Variants in ATP10A observed in about 807,000 individuals in gnomAD.
ATP10A encodes the protein phospholipid-transporting ATPase VA.
In ATP10A, 111 loss-of-function variants were observed where a neutral mutation model predicts 147.8. The observed-to-expected ratio is 0.75, with a 90% CI of 0.64 to 0.88. The LOEUF is 0.88. Ranked by LOEUF, ATP10A falls within the 40% of genes least tolerant of loss-of-function variation. The pLI, the probability that ATP10A is intolerant of heterozygous loss-of-function variation, is 0.00. For synonymous variants in ATP10A, 875 were observed against 841.6 expected, an observed-to-expected ratio of 1.04 and a Z score of -0.69; for missense variants, 1,927 against 1,959.0, an observed-to-expected ratio of 0.98 and a Z score of 0.31.
chr15:25,853,610 G>A (rs1466899863), intron 1 of ATP10A, among the ~76,000 whole-genome samples: 5 of 152,036 alleles, frequency 3.3e-5, no homozygotes, highest in East Asian at 1.9e-4. Context: ...CCAACACGTC[G>A]GGAAGGAAGT....
intron 2 of ATP10A, among the ~76,000 whole-genome samples, chr15:25,773,585 G>T (rs1889449905): frequency 6.6e-6 from 1 of 152,094 alleles, no homozygotes; most frequent in African/African-American, 2.4e-5. Flanking sequence ...TTCCCCTAGG[G>T]AGCACTCTCT....
intron 7 of ATP10A, among the ~76,000 whole-genome samples, chr15:25,719,753 C>T (rs561676653): frequency 2.0e-5 from 3 of 152,274 alleles, no homozygotes; most frequent in South Asian, 2.1e-4. Context: ...GCAGGTAATG[C>T]CCCCTCCTGG....
intron 1 of ATP10A, among the ~76,000 whole-genome samples, chr15:25,850,534 G>C (rs1893239603): frequency 6.6e-6 from 1 of 152,206 alleles, no homozygotes; most frequent in Admixed American, 6.5e-5. Context: ...GCCCACAGGC[G>C]AGGCGAGTCC....
chr15:25,679,465 G>A lies in ATP10A; in HGVS notation c.4376C>T (p.Thr1459Met), dbSNP rs537766555. ...CGCTTGTCCATCTGCAAGCTGCTCCGTCCGGGAGAACTGTAAGACACTCCC... is the reference window on the plus strand; with the variant it reads ...CGCTTGTCCATCTGCAAGCTGCTCCATCCGGGAGAACTGTAAGACACTCCC... ...RLGSVLQFSR[T>M]EQLADGQAGR... Residue 1459 changes from threonine to methionine, a missense_variant, in exon 21 of 21, where the codon ACG (threonine) becomes ATG (methionine). Thr to Met is a moderately conservative substitution (Grantham distance 81). Transcript: ENST00000555815. 4.2e-5 allele frequency: 68 copies of A among 1,614,022 alleles called. No individual in the cohort carries two copies. The highest frequency in any genetic ancestry group is 5.3e-5 in the African/African-American group (4 of 75,040).
intron 1 of ATP10A, among the ~76,000 whole-genome samples, chr15:25,835,171 T>C (rs1393846691): frequency 6.6e-6 from 1 of 152,102 alleles, no homozygotes; most frequent in Non-Finnish European, 1.5e-5. Context: ...CCTGGGAGGC[T>C]GAGGTGAGAG....
At chr15:25,729,718 T>G (rs1427187835) in intron 3 of ATP10A, among the ~76,000 whole-genome samples, 1 of 152,134 alleles carries the variant, frequency 6.6e-6, no homozygotes, top group South Asian at 2.1e-4. Context: ...CTGCCTGAGG[T>G]AGCCCGGCCT....
At chr15:25,835,688 A>T (rs1209013700) in intron 1 of ATP10A, among the ~76,000 whole-genome samples, 1 of 152,228 alleles carries the variant, frequency 6.6e-6, no homozygotes, top group African/African-American at 2.4e-5. Flanking sequence ...GCTGGAGTGC[A>T]GTGGTACTAT....
intron 1 of ATP10A, among the ~76,000 whole-genome samples, chr15:25,813,850 CT>C (rs55832964): frequency 3.8e-4 from 56 of 149,312 alleles, no homozygotes; most frequent in Admixed American, 1.1e-3. Context: ...ATGAAACAGA[CT>C]TTTTTTTTTA....
intron 1 of ATP10A, 46 bp from the exon 2 acceptor site, chr15:25,781,269 T>C (rs368211584): frequency 5.2e-6 from 8 of 1,540,062 alleles, no homozygotes; most frequent in Non-Finnish European, 6.2e-6. Context: ...ACATTGGTCG[T>C]GGCTGGATCT....
intron 14 of ATP10A, among the ~76,000 whole-genome samples, chr15:25,693,186 T>A (rs2140314985): frequency 6.6e-6 from 1 of 152,074 alleles, no homozygotes; most frequent in Non-Finnish European, 1.5e-5. Context: ...CACACACAGC[T>A]AATTTTTTTT....
intron 16 of ATP10A, among the ~76,000 whole-genome samples, chr15:25,685,297 C>T (rs1899650181): frequency 6.6e-6 from 1 of 152,154 alleles, no homozygotes; most frequent in Non-Finnish European, 1.5e-5. Flanking sequence ...AAAGGCCTGG[C>T]ATTTTTATGG....
intron 1 of ATP10A, among the ~76,000 whole-genome samples, chr15:25,856,736 C>A (rs939948196): frequency 6.6e-6 from 1 of 152,160 alleles, no homozygotes; most frequent in South Asian, 2.1e-4. Flanking sequence ...CAGAACACCA[C>A]CTAGGAATGT....
At chr15:25,688,403 C>T (rs924347276) in intron 15 of ATP10A, among the ~76,000 whole-genome samples, 4 of 152,118 alleles carry the variant, frequency 2.6e-5, no homozygotes, top group Non-Finnish European at 4.4e-5. Flanking sequence ...TGGCCGTGTG[C>T]AGGAGGGAGT....
At chr15:25,707,042 G>GC (rs1901070502) in intron 12 of ATP10A, among the ~76,000 whole-genome samples, 1 of 152,208 alleles carries the variant, frequency 6.6e-6, no homozygotes, top group South Asian at 2.1e-4. Context: ...GTGCCACTGG[G>GC]CCCCTGGATC....
In ATP10A at chr15:25,725,966, G is replaced by T. The variant is rs777488769; in HGVS notation, c.964C>A (p.Leu322Met). 1 of 1,613,650 alleles carries T rather than the reference G, an allele frequency of 6.2e-7. No individual in the cohort carries two copies. Among genetic ancestry groups the T allele is most frequent in the East Asian group, 2.2e-5 (1 of 44,858 alleles). The change falls in exon 5 of 21, where the codon CTG becomes ATG. Residue 322 changes from leucine (L) to methionine (M), a missense_variant. Physicochemically the swap from Leu to Met is conservative, Grantham distance 15 (BLOSUM62 2). Coordinates refer to ENST00000555815, the MANE Select transcript of ATP10A (RefSeq NM_024490.4). ...WCVLLLVCMS[L>M]FSAVGHGLWI... ...GGAGACTTACCGACTGCTGAAAACA[G>T]AGACATGCAAACAAGGAGCAGGACA...
chr15:25,786,136 G>A (rs1374776271), intron 1 of ATP10A, among the ~76,000 whole-genome samples: 1 of 152,188 alleles, frequency 6.6e-6, no homozygotes, highest in Admixed American at 6.5e-5. Flanking sequence ...GCCCAGGCGG[G>A]GAAGCTGGCG....
intron 2 of ATP10A, among the ~76,000 whole-genome samples, chr15:25,771,605 TTGTC>T (rs1320866944): frequency 1.3e-5 from 2 of 152,092 alleles, no homozygotes; most frequent in African/African-American, 4.8e-5. Flanking sequence ...CACATTGACT[TTGTC>T]TGATGTAAAA....
chr15:25,805,064 G>A lies in ATP10A; in HGVS notation c.450-23841C>T, dbSNP rs145177464. 3.5e-3 allele frequency among the ~76,000 whole-genome samples: 527 copies of A among 152,316 alleles called. 4 individuals carry two copies. The highest frequency in any genetic ancestry group is 9.6e-3 in the African/African-American group (401 of 41,570). On this transcript the variant is annotated intron_variant, in intron 1 of 20. Transcript: ENST00000555815. ...GGGACCTGTGGCAGCCATGGTGAGC[G>A]GACGGGCCATCACACGGGCATTCTT...
At position 25,694,931 on chromosome 15, in the gene ATP10A, G is replaced by A. The variant is rs1230425975; in HGVS notation, c.2976C>T (p.Leu992=). The A allele has an allele frequency of 1.2e-6, 2 of 1,614,218 alleles. No homozygotes were observed. Among genetic ancestry groups the A allele is most frequent in the Non-Finnish European group, 8.5e-7 (1 of 1,180,052 alleles). ...CGGAGCGGCACTGCTTGGCAAGGAA[G>A]AGGAATTTGTCCTCCAGGTTTTTCT... ...ALEKNLEDKF[L]FLAKQCRSVL... is the part of the protein sequence containing the mutation. The change falls in exon 14 of 21, where the codon CTC becomes CTT. Residue 992 remains leucine (L), a synonymous_variant. Coordinates refer to ENST00000555815, the MANE Select transcript of ATP10A (RefSeq NM_024490.4).
Sources: allele counts gnomAD v4.1 joint callset (sites outside exome capture counted in the v4.1 genomes callset), GRCh38; gene constraint gnomAD v4.1.1; transcripts MANE v1.5; gene names NCBI Gene and HGNC (gene_info 2026-07-23, HGNC 2026-07-21).